Variants in PEX13 observed in about 807,000 individuals in gnomAD.
PEX13 encodes peroxisomal biogenesis factor 13, also known as peroxisome biogenesis factor 13.
Under a neutral mutation model 34.5 loss-of-function variants are expected in PEX13, and 28 were observed. The ratio of observed to expected loss-of-function variants is 0.81; its 90% CI spans 0.60 to 1.11. The LOEUF is 1.11. PEX13 is among the 50% of genes most tolerant of loss of function. The probability of loss-of-function intolerance (pLI) is 0.00; values close to 1 mark genes in which losing one functional copy is unlikely to be tolerated. For synonymous variants in PEX13, 177 were observed against 175.1 expected (o/e 1.01, Z -0.09); for missense variants, 550 against 491.0 (o/e 1.12, Z -1.13).
intron 2 of PEX13, among the ~76,000 whole-genome samples, chr2:61,041,814 A>G (rs568571701): frequency 6.6e-6 from 1 of 152,334 alleles, no homozygotes; most frequent in African/African-American, 2.4e-5. Flanking sequence ...GCAGTTATAA[A>G]TAAGGGAAAG....
intron 2 of PEX13, among the ~76,000 whole-genome samples, chr2:61,044,678 G>A (rs769917377): frequency 6.6e-6 from 1 of 152,178 alleles, no homozygotes; most frequent in African/African-American, 2.4e-5. Context: ...GAACCACCAC[G>A]CCTGACCTAT....
chr2:61,031,800 C>A lies in PEX13; in HGVS notation c.474C>A (p.Phe158Leu). 1 of 1,613,414 alleles carries A rather than the reference C, an allele frequency of 6.2e-7. No homozygotes were observed. Among genetic ancestry groups the A allele is most frequent in the Non-Finnish European group, 8.5e-7 (1 of 1,179,324 alleles). ...DATFSAVYNS[F>L]RAVLDVANHF... ...CCTTTTCAGCTGTCTATAACAGTTT[C>A]AGGGCTGTATTGGATGTAGCAAATC... is the stretch of plus-strand genomic sequence containing the variant. The change falls in exon 2 of 4, where the codon TTC becomes TTA. Residue 158 changes from phenylalanine (F) to leucine (L), a missense_variant. Phe to Leu is a conservative substitution (Grantham distance 22, BLOSUM62 0). Transcript: ENST00000295030.
At position 61,031,956 on chromosome 2, in the gene PEX13, C is replaced by G; in HGVS notation, c.630C>G (p.Leu210=). 6.2e-7 allele frequency: 1 copy of G among 1,614,114 alleles called. No individual in the cohort carries two copies. The highest frequency in any genetic ancestry group is 8.5e-7 in the Non-Finnish European group (1 of 1,179,978). Residue 210 remains leucine (L), a synonymous_variant, in exon 2 of 4, where the codon CTC becomes CTG. Coordinates refer to ENST00000295030, the MANE Select transcript of PEX13 (RefSeq NM_002618.4). ...GAAGAGGCTCTGAGAATGAAGACCTCTGGGCAGAGAGTGAAGGAACTGTGG... is the reference window on the plus strand; with the variant it reads ...GAAGAGGCTCTGAGAATGAAGACCTGTGGGCAGAGAGTGAAGGAACTGTGG... ...GLRRGSENED[L]WAESEGTVAC... is the part of the protein sequence containing the mutation.
chr2:61,034,096 A>C (rs1680495660), intron 2 of PEX13, among the ~76,000 whole-genome samples: 1 of 152,084 alleles, frequency 6.6e-6, no homozygotes, highest in South Asian at 2.1e-4. Context: ...TCCTGGGTTA[A>C]AGCAATTCTC....
chr2:61,030,567 C>A (rs1235527444), intron 1 of PEX13, among the ~76,000 whole-genome samples: 2 of 152,134 alleles, frequency 1.3e-5, no homozygotes, highest in Non-Finnish European at 2.9e-5. Flanking sequence ...AGAGAAAATA[C>A]AGGTGTTAGA....
chr2:61,024,325 TTCTA>T, intron 1 of PEX13, among the ~76,000 whole-genome samples: 1 of 152,328 alleles, frequency 6.6e-6, no homozygotes, highest in Middle Eastern at 3.4e-3. Context: ...TAAATATGGT[TTCTA>T]TCTATTGTCA....
At chr2:61,026,655 C>T (rs1680360783) in intron 1 of PEX13, among the ~76,000 whole-genome samples, 1 of 152,032 alleles carries the variant, frequency 6.6e-6, no homozygotes. Flanking sequence ...CTGTGGCCAC[C>T]TTTTCTAAGA....
At chr2:61,035,604 TAA>T (rs1353105684) in intron 2 of PEX13, among the ~76,000 whole-genome samples, 1 of 152,088 alleles carries the variant, frequency 6.6e-6, no homozygotes, top group East Asian at 1.9e-4. Flanking sequence ...CTAACTAGAA[TAA>T]AGAGTGTACA....
intron 2 of PEX13, among the ~76,000 whole-genome samples, chr2:61,032,477 C>A (rs1044472075): frequency 1.3e-5 from 2 of 152,172 alleles, no homozygotes; most frequent in Non-Finnish European, 2.9e-5. Context: ...TGGGGAGAGA[C>A]ATAAGGTTTC....
At chr2:61,036,851 C>G (rs755334717) in intron 2 of PEX13, among the ~76,000 whole-genome samples, 6 of 152,044 alleles carry the variant, frequency 3.9e-5, no homozygotes, top group Non-Finnish European at 8.8e-5. Context: ...GATAAAGAGT[C>G]AAGACCCATG....
At chr2:61,029,031 G>A (rs1292272095) in intron 1 of PEX13, among the ~76,000 whole-genome samples, 1 of 151,504 alleles carries the variant, frequency 6.6e-6, no homozygotes, top group African/African-American at 2.4e-5. Context: ...CAAAAAGTTA[G>A]CCGGGAGTGG....
At chr2:61,031,353 A>G in intron 1 of PEX13, 66 bp from the exon 2 acceptor site, 2 of 1,174,822 alleles carry the variant, frequency 1.7e-6, no homozygotes, top group Non-Finnish European at 1.3e-6. Context: ...GGAGATGTTT[A>G]ATACTTACTT....
At chr2:61,046,345 G>A (rs61527135) in intron 3 of PEX13, among the ~76,000 whole-genome samples, 9,529 of 152,040 alleles carry the variant, frequency 0.063, 1,040 homozygotes, top group African/African-American at 0.22. Context: ...TACGCATCTC[G>A]GGTTTATTTT....
chr2:61,025,796 A>T (rs1268245521), intron 1 of PEX13, among the ~76,000 whole-genome samples: 1 of 152,256 alleles, frequency 6.6e-6, no homozygotes, highest in Non-Finnish European at 1.5e-5. Flanking sequence ...GAATCACTTT[A>T]ATCCAATAAA....
Position 61,051,083 on chromosome 2 carries a change from T to C in PEX13, c.*2313T>C, listed in dbSNP as rs1680791084. 6.6e-6 allele frequency: 1 copy of C among 152,322 alleles called. No individual in the cohort carries two copies. Among genetic ancestry groups the C allele is most frequent in the South Asian group, 2.1e-4 (1 of 4,836 alleles). 9.4% of individuals were successfully genotyped at this position (152,322 alleles called of 1,614,324 possible). A position where few individuals can be genotyped will look rare whatever the true frequency, so the allele number is the denominator to read the frequency against. On this transcript the variant is annotated 3_prime_UTR_variant, in exon 4 of 4. Transcript: ENST00000295030. Reference sequence around the variant, plus strand: ...AAACGACAGTATCGTAAGTAACATATCATTTATAATAGAAATCTTGACCCA... The same window carrying C: ...AAACGACAGTATCGTAAGTAACATACCATTTATAATAGAAATCTTGACCCA...
intron 1 of PEX13, among the ~76,000 whole-genome samples, chr2:61,025,430 C>T (rs1352587627): frequency 6.6e-6 from 1 of 152,064 alleles, no homozygotes; most frequent in Non-Finnish European, 1.5e-5. Flanking sequence ...ACAATCTCGG[C>T]TCACTACAAC....
rs149843342 is a variant in PEX13 at position 61,051,465 on chromosome 2, G to T, written c.*2695G>T. ...GTTTGGTTAAGTCTGCTAAATTACG[G>T]TATGCATTATCTGGTGACTATTTGT... On this transcript the variant is annotated 3_prime_UTR_variant, in exon 4 of 4. Coordinates refer to ENST00000295030, the MANE Select transcript of PEX13 (RefSeq NM_002618.4). 3.1e-4 allele frequency: 48 copies of T among 152,392 alleles called. No homozygotes were observed. Among genetic ancestry groups the T allele is most frequent in the African/African-American group, 1.1e-3 (45 of 41,566 alleles). 9.4% of individuals were successfully genotyped at this position (152,392 alleles called of 1,614,324 possible).
chr2:61,048,106 A>G (rs987736850), intron 3 of PEX13, among the ~76,000 whole-genome samples: 6 of 152,218 alleles, frequency 3.9e-5, no homozygotes, highest in Non-Finnish European at 7.3e-5. Context: ...TTCCTAACTT[A>G]CCCAGTTGAG....
chr2:61,031,846 C>A lies in PEX13; in HGVS notation c.520C>A (p.His174Asn). 1 of 1,612,928 alleles carries A rather than the reference C, an allele frequency of 6.2e-7. No individual in the cohort carries two copies. Among genetic ancestry groups the A allele is most frequent in the Non-Finnish European group, 8.5e-7 (1 of 1,178,866 alleles). The change falls in exon 2 of 4, where the codon CAC (histidine) becomes AAC (asparagine). Residue 174 changes from histidine to asparagine, a missense_variant. Transcript: ENST00000295030. ...AAATCACTTTTCCCGATTGAAAATA[C>A]ACTTTACAAAAGTGTTTTCAGCTTT... ...VANHFSRLKI[H>N]FTKVFSAFAL...
Sources: gnomAD v4.1 joint callset for allele counts (sites outside exome capture counted in the v4.1 genomes callset) on GRCh38, gnomAD v4.1.1 for gene constraint, MANE v1.5 for transcripts, NCBI Gene and HGNC (gene_info 2026-07-23, HGNC 2026-07-21) for gene names.